NKAIN4: variants seen among roughly 807,000 people sequenced by gnomAD.
NKAIN4 encodes sodium/potassium transporting ATPase interacting 4, also known as sodium/potassium-transporting ATPase subunit beta-1-interacting protein 4.
A neutral mutation model predicts 28.8 loss-of-function variants in NKAIN4; 28 were observed. The ratio of observed to expected loss-of-function variants is 0.97; its 90% CI spans 0.72 to 1.33. The LOEUF (loss-of-function observed/expected upper bound fraction) is 1.33, where lower values mean the gene tolerates loss of function less well. Among genes scored for constraint, NKAIN4 ranks in the 40% most tolerant of loss-of-function variants. The pLI, the probability that NKAIN4 is intolerant of heterozygous loss-of-function variation, is 0.00. For synonymous variants in NKAIN4, 122 were observed against 115.6 expected (o/e 1.06, Z -0.36); for missense variants, 289 against 277.2 (o/e 1.04, Z -0.30).
At chr20:63,253,346 G>C in intron 1 of NKAIN4, 1 of 985,404 alleles carries the variant, frequency 1.0e-6, no homozygotes, top group Non-Finnish European at 1.2e-6. Flanking sequence ...CCTTCCTGCA[G>C]GAAGGACACG....
In NKAIN4 at chr20:63,241,462, G is replaced by A. The variant is rs1345835816; in HGVS notation, c.*35C>T. ...TTGTCACTGGTCGGTCGCTGAGGCT[G>A]GAGGCCACAGGAGCAGGATCAGCTG... On this transcript the variant is annotated 3_prime_UTR_variant, in exon 7 of 7. Transcript: ENST00000370316. 1.9e-6 allele frequency: 3 copies of A among 1,550,116 alleles called. No homozygotes were observed. Among genetic ancestry groups the A allele is most frequent in the Non-Finnish European group, 1.7e-6 (2 of 1,146,676 alleles).
chr20:63,252,339 G>T lies in NKAIN4; in HGVS notation c.54+2058C>A, dbSNP rs2066975008. 6.6e-6 allele frequency among the ~76,000 whole-genome samples: 1 copy of T among 152,114 alleles called. No individual in the cohort carries two copies. Among genetic ancestry groups the T allele is most frequent in the Non-Finnish European group, 1.5e-5 (1 of 68,012 alleles). The stretch of plus-strand genomic sequence containing the variant: ...GCAGCAGGGCAGAGCCTGGGAATTG[G>T]ACGCAGCACAGCCCGGCTCAGAGCC... On this transcript the variant is annotated intron_variant, in intron 1 of 6. Transcript: ENST00000370316. The surrounding 1 kb of genome is among the most constrained non-coding windows in gnomAD (Gnocchi z 4.6).
chr20:63,247,490 G>T, intron 4 of NKAIN4, 88 bp downstream of exon 4: 1 of 1,545,732 alleles, frequency 6.5e-7, no homozygotes, highest in Non-Finnish European at 8.7e-7. Flanking sequence ...AGGTCAGCTG[G>T]CCCCGCCTCA....
At chr20:63,243,989 T>TCCCGC in intron 5 of NKAIN4, 35 bp downstream of exon 5, 1 of 1,583,800 alleles carries the variant, frequency 6.3e-7, no homozygotes, top group Non-Finnish European at 8.7e-7. Flanking sequence ...TGTAGCCGTC[T>TCCCGC]CCCGCCCCAC....
intron 4 of NKAIN4, chr20:63,244,508 G>C (rs927148940): frequency 2.1e-6 from 1 of 474,360 alleles, no homozygotes; most frequent in African/African-American, 2.0e-5. Context: ...GCCACCAGGG[G>C]TTCCTCCTCC....
At chr20:63,254,370 G>A in intron 1 of NKAIN4, 27 bp downstream of exon 1, 1 of 1,440,832 alleles carries the variant, frequency 6.9e-7, no homozygotes, top group Non-Finnish European at 9.1e-7. Context: ...GGGGCTCCAG[G>A]AGGCTCGCGG....
chr20:63,248,118 T>G, intron 3 of NKAIN4: 2 of 209,798 alleles, frequency 9.5e-6, no homozygotes, highest in East Asian at 1.1e-4. Context: ...CGGGACAGTC[T>G]TCCCGGCTGC....
chr20:63,243,050 C>T (rs761510983), intron 5 of NKAIN4, among the ~76,000 whole-genome samples: 27 of 152,218 alleles, frequency 1.8e-4, no homozygotes, highest in Non-Finnish European at 3.7e-4. Context: ...AGACCGATGG[C>T]TTCCTTGACA....
chr20:63,254,566 C>G (rs1424714635), upstream of NKAIN4: 2 of 736,584 alleles, frequency 2.7e-6, no homozygotes, highest in Non-Finnish European at 3.7e-6. Flanking sequence ...CCGTTCCCCC[C>G]TCCTCCCCGC....
At chr20:63,246,859 C>G (rs932241706) in intron 4 of NKAIN4, 1 of 985,244 alleles carries the variant, frequency 1.0e-6, no homozygotes, top group African/African-American at 1.7e-5. Context: ...TTTACAGAGG[C>G]GGGAGCTGAG....
At chr20:63,253,253 C>T (rs1243654693) in intron 1 of NKAIN4, 142 of 985,416 alleles carry the variant, frequency 1.4e-4, no homozygotes, top group Non-Finnish European at 1.7e-4. Context: ...CTGGGATGGT[C>T]CTTGGGCCCC....
chr20:63,245,035 A>T lies in NKAIN4; in HGVS notation c.472-951T>A, dbSNP rs2066830756. Among the ~76,000 whole-genome samples the T allele has an allele frequency of 6.6e-6, 1 of 152,170 alleles. No individual in the cohort carries two copies. The highest frequency in any genetic ancestry group is 2.4e-5 in the African/African-American group (1 of 41,442). ...GCCCCCCGTGAAGGCCACCGTGCCCAGGAGAGGAGACAGGACACGCAGGCC... is the reference window on the plus strand; with the variant it reads ...GCCCCCCGTGAAGGCCACCGTGCCCTGGAGAGGAGACAGGACACGCAGGCC... On this transcript the variant is annotated intron_variant, in intron 4 of 6. Transcript: ENST00000370316. This position sits in a 1 kb window ranked among gnomAD's most constrained non-coding sequence, Gnocchi z 4.7.
chr20:63,247,827 C>T (rs2066889341), intron 3 of NKAIN4, 52 bp from the exon 4 acceptor site: 1 of 1,415,488 alleles, frequency 7.1e-7, no homozygotes, highest in South Asian at 1.7e-5. Flanking sequence ...GGTGGGCGGC[C>T]TCACCCACTG....
At chr20:63,254,044 C>T (rs1220489363) in intron 1 of NKAIN4, 2 of 265,390 alleles carry the variant, frequency 7.5e-6, no homozygotes, top group South Asian at 3.9e-5. Flanking sequence ...CCCGGGGGCG[C>T]ACCCGGGGCC....
intron 2 of NKAIN4, 87 bp from the exon 3 acceptor site, chr20:63,248,982 T>C: frequency 1.1e-6 from 1 of 895,234 alleles, no homozygotes; most frequent in Non-Finnish European, 1.8e-6. Flanking sequence ...AGGGGTCCCA[T>C]GATCGCATAG....
At chr20:63,246,608 C>G in intron 4 of NKAIN4, 1 of 985,334 alleles carries the variant, frequency 1.0e-6, no homozygotes, top group Non-Finnish European at 1.2e-6. Context: ...GAGCCTCGCT[C>G]CTGGAAGCCC....
At chr20:63,243,107 C>T (rs1478962775) in intron 5 of NKAIN4, among the ~76,000 whole-genome samples, 6 of 152,298 alleles carry the variant, frequency 3.9e-5, no homozygotes, top group Middle Eastern at 3.4e-3. Context: ...GGGGCAAAGT[C>T]GAGGCATTTT....
chr20:63,247,529 C>G, intron 4 of NKAIN4, 49 bp downstream of exon 4: 12 of 1,548,146 alleles, frequency 7.8e-6, no homozygotes, highest in Non-Finnish European at 1.0e-5. Context: ...TCCATGTCCC[C>G]TCCCCCATCA....
rs886201415 is a variant in NKAIN4, at chr20:63,245,934, T to TG, written c.471+1643_471+1644insC. 6.8e-6 allele frequency among the ~76,000 whole-genome samples: 1 copy of TG among 146,132 alleles called. No individual in the cohort carries two copies. The highest frequency in any genetic ancestry group is 2.0e-4 in the East Asian group (1 of 5,000). On this transcript the variant is annotated intron_variant, in intron 4 of 6. Coordinates refer to ENST00000370316, the MANE Select transcript of NKAIN4 (RefSeq NM_152864.4). The surrounding 1 kb of genome is among the most constrained non-coding windows in gnomAD (Gnocchi z 4.7). ...TTCATTCATTCCCCTCAAGCTTCCT[T>TG]TTTTTTTTTTTGAGACAGAGTCTCG...
Sources: gnomAD v4.1 joint callset for allele counts (sites outside exome capture counted in the v4.1 genomes callset) on GRCh38, gnomAD v4.1.1 for gene constraint, Gnocchi (gnomAD v3.1) non-coding constraint, MANE v1.5 for transcripts, NCBI Gene and HGNC (gene_info 2026-07-23, HGNC 2026-07-21) for gene names.